Variants in C1D observed in about 807,000 individuals in gnomAD.
C1D encodes the protein nuclear nucleic acid-binding protein C1D.
Under a neutral mutation model 17.5 loss-of-function variants are expected in C1D, and 10 were observed. That is an observed-to-expected ratio of 0.57 (90% confidence interval 0.35 to 0.97). The LOEUF (loss-of-function observed/expected upper bound fraction) is 0.97, where lower values mean the gene tolerates loss of function less well. Among genes scored for constraint, C1D ranks in the 50% least tolerant of loss-of-function variants. The probability of loss-of-function intolerance (pLI) is 0.01; values close to 1 mark genes in which losing one functional copy is unlikely to be tolerated. For synonymous variants in C1D, 49 were observed against 54.0 expected, an observed-to-expected ratio of 0.91 and a Z score of 0.40; for missense variants, 136 against 160.1, an observed-to-expected ratio of 0.85 and a Z score of 0.81.
chr2:68,056,655 A>T (rs1360465972), intron 1 of C1D, among the ~76,000 whole-genome samples: 1 of 152,216 alleles, frequency 6.6e-6, no homozygotes, highest in African/African-American at 2.4e-5. Context: ...ATGACCAATA[A>T]GCATAAAGAA....
Position 68,042,935 on chromosome 2 carries a change from G to C in C1D, c.380C>G (p.Ser127Trp). The change falls in exon 5 of 5, where the codon TCG becomes TGG. Residue 127 changes from serine (S) to tryptophan (W), a missense_variant. Ser to Trp is a radical substitution (Grantham distance 177). Coordinates refer to ENST00000410067, the MANE Select transcript of C1D (RefSeq NM_173177.3). ...FVKNALWEPK[S>W]KNASKVANKG... Reference sequence around the variant, plus strand: ...ATTGGCAACTTTTGATGCATTTTTCGATTTTGGTTCCCAGAGGGCATTTTT... The same window carrying C: ...ATTGGCAACTTTTGATGCATTTTTCCATTTTGGTTCCCAGAGGGCATTTTT... 1 of 1,561,672 alleles carries C rather than the reference G, an allele frequency of 6.4e-7. No homozygotes were observed. The highest frequency in any genetic ancestry group is 8.7e-7 in the Non-Finnish European group (1 of 1,153,830).
chr2:68,061,143 T>C (rs1018872290), intron 1 of C1D, among the ~76,000 whole-genome samples: 1 of 152,232 alleles, frequency 6.6e-6, no homozygotes, highest in Non-Finnish European at 1.5e-5. Flanking sequence ...TGAGAGCCAT[T>C]TGCTGTTGTT....
At chr2:68,053,027 C>T in intron 1 of C1D, 2 of 1,547,182 alleles carry the variant, frequency 1.3e-6, no homozygotes, top group East Asian at 2.4e-5. Flanking sequence ...TAAAGTTGTA[C>T]ATGTTAAAAT....
intron 1 of C1D, among the ~76,000 whole-genome samples, chr2:68,047,915 T>C (rs1026705952): frequency 2.0e-5 from 3 of 152,240 alleles, no homozygotes; most frequent in Admixed American, 1.3e-4. Flanking sequence ...TAGAAAAACA[T>C]GTATTTTAGT....
intron 1 of C1D, chr2:68,053,061 C>T (rs1270191968): frequency 1.9e-6 from 3 of 1,550,164 alleles, no homozygotes; most frequent in Admixed American, 2.0e-5. Flanking sequence ...AAGAACTCAC[C>T]CAGCTCTGCT....
At chr2:68,062,502 A>G (rs1671663091) in intron 1 of C1D, among the ~76,000 whole-genome samples, 1 of 152,246 alleles carries the variant, frequency 6.6e-6, no homozygotes, top group Non-Finnish European at 1.5e-5. Flanking sequence ...AGCAGCAGGC[A>G]GTCTGTGAAT....
intron 4 of C1D, among the ~76,000 whole-genome samples, chr2:68,043,495 A>G (rs1671029783): frequency 6.6e-6 from 1 of 152,206 alleles, no homozygotes; most frequent in Non-Finnish European, 1.5e-5. Context: ...GAAATACATG[A>G]GGTAGTACTT....
At chr2:68,060,352 G>C (rs1456055525) in intron 1 of C1D, among the ~76,000 whole-genome samples, 1 of 152,118 alleles carries the variant, frequency 6.6e-6, no homozygotes, top group African/African-American at 2.4e-5. Flanking sequence ...CTATTAAAAC[G>C]TGAGTCAGGC....
intron 3 of C1D, 113 bp from the exon 4 acceptor site, chr2:68,046,156 T>C (rs1671114753): frequency 1.1e-6 from 1 of 879,582 alleles, no homozygotes; most frequent in African/African-American, 1.7e-5. Flanking sequence ...AATTAAACTT[T>C]AAATTATTCA....
intron 4 of C1D, among the ~76,000 whole-genome samples, chr2:68,044,131 CTCTTTT>C (rs2103791090): frequency 6.6e-6 from 1 of 152,332 alleles, no homozygotes; most frequent in African/African-American, 2.4e-5. Context: ...CCTTACCCTA[CTCTTTT>C]TCTTTGTTCC....
chr2:68,046,473 T>G lies in C1D; in HGVS notation c.139-63A>C, dbSNP rs1014364076. ...GAGACAGAAAAAAAATACACAAACTTTGAACACCATCTGATAACATTTGAC... is the reference window on the plus strand; with the variant it reads ...GAGACAGAAAAAAAATACACAAACTGTGAACACCATCTGATAACATTTGAC... On this transcript the variant is annotated intron_variant, in intron 2 of 4. Transcript: ENST00000410067. 12 of 1,127,914 alleles carry G rather than the reference T, an allele frequency of 1.1e-5. No individual in the cohort carries two copies. In the African/African-American group the frequency reaches 1.9e-4, roughly 17 times the overall value. 69.9% of individuals were successfully genotyped at this position (1,127,914 alleles called of 1,614,324 possible). A position where few individuals can be genotyped will look rare whatever the true frequency, so the allele number is the denominator to read the frequency against.
rs935708351 is a variant in C1D at position 68,041,431 on chromosome 2, C to T, written c.*1458G>A. ...ATAACACAAAGACAGGTACACTACA[C>T]TTGATCTTAACAGTAACACATTTCT... On this transcript the variant is annotated 3_prime_UTR_variant, in exon 5 of 5. Transcript: ENST00000410067. 1 of 151,978 alleles carries T rather than the reference C, an allele frequency of 6.6e-6. No individual in the cohort carries two copies. The highest frequency in any genetic ancestry group is 1.5e-5 in the Non-Finnish European group (1 of 67,846). 9.4% of individuals were successfully genotyped at this position (151,978 alleles called of 1,614,324 possible). A position where few individuals can be genotyped will look rare whatever the true frequency, so the allele number is the denominator to read the frequency against.
At chr2:68,047,011 C>T (rs370999939) in intron 2 of C1D, among the ~76,000 whole-genome samples, 162 bp downstream of exon 2, 9 of 151,882 alleles carry the variant, frequency 5.9e-5, no homozygotes, top group Admixed American at 5.2e-4. Context: ...CTGGAGTTTT[C>T]TTTTGTTTTG....
Position 68,058,602 on chromosome 2 carries a change from C to T in C1D, c.-10+4356G>A, listed in dbSNP as rs145447407. On this transcript the variant is annotated intron_variant, in intron 1 of 4. Coordinates refer to ENST00000410067, the MANE Select transcript of C1D (RefSeq NM_173177.3). The stretch of plus-strand genomic sequence containing the variant: ...AAGTTCGGCAGAATGGAACTCAAAT[C>T]GAATGGAGGAGGAACATCCCTCACA... 8.9e-4 allele frequency among the ~76,000 whole-genome samples: 136 copies of T among 152,258 alleles called. 1 individual carries two copies. Among genetic ancestry groups the T allele is most frequent in the African/African-American group, 3.2e-3 (135 of 41,546 alleles).
At chr2:68,049,059 T>C (rs1304441101) in intron 1 of C1D, among the ~76,000 whole-genome samples, 1 of 151,942 alleles carries the variant, frequency 6.6e-6, no homozygotes, top group Non-Finnish European at 1.5e-5. Flanking sequence ...TAGCCAGGCG[T>C]GGTGGCGCAC....
chr2:68,051,834 C>G (rs1671291612), intron 1 of C1D, among the ~76,000 whole-genome samples: 1 of 151,936 alleles, frequency 6.6e-6, no homozygotes, highest in African/African-American at 2.4e-5. Context: ...CACACCCCTC[C>G]CCCACACTCC....
intron 1 of C1D, among the ~76,000 whole-genome samples, chr2:68,052,054 A>G (rs909882367): frequency 1.3e-5 from 2 of 152,178 alleles, no homozygotes; most frequent in Non-Finnish European, 2.9e-5. Flanking sequence ...CAGTTAAATG[A>G]ATTACACCAT....
intron 4 of C1D, among the ~76,000 whole-genome samples, chr2:68,044,601 G>A (rs1227451682): frequency 6.6e-6 from 1 of 152,076 alleles, no homozygotes; most frequent in Non-Finnish European, 1.5e-5. Flanking sequence ...CCAGCTACTC[G>A]AGAGGCTGAG....
chr2:68,051,960 A>G (rs1671294677), intron 1 of C1D, among the ~76,000 whole-genome samples: 1 of 152,030 alleles, frequency 6.6e-6, no homozygotes, highest in East Asian at 1.9e-4. Flanking sequence ...TCCGTTCACA[A>G]GCACTGCCTG....
Sources: allele counts gnomAD v4.1 joint callset (sites outside exome capture counted in the v4.1 genomes callset), GRCh38; gene constraint gnomAD v4.1.1; transcripts MANE v1.5; gene names NCBI Gene and HGNC (gene_info 2026-07-23, HGNC 2026-07-21).